Variants in NRXN1 observed in about 807,000 individuals in gnomAD.
The protein encoded by NRXN1 is neurexin-1.
In NRXN1, 39 loss-of-function variants were observed where a neutral mutation model predicts 150.9. The observed-to-expected ratio is 0.26, with a 90% CI of 0.20 to 0.34. NRXN1 has a LOEUF of 0.34. NRXN1 is among the 10% of genes least tolerant of loss of function. NRXN1 has a pLI of 1.00. For synonymous variants in NRXN1, 924 were observed against 757.0 expected, an observed-to-expected ratio of 1.22 and a Z score of -3.62; for missense variants, 1,815 against 1,949.9, an observed-to-expected ratio of 0.93 and a Z score of 1.30.
chr2:50,153,896 C>A (rs1431995681), intron 18 of NRXN1, among the ~76,000 whole-genome samples: 1 of 151,700 alleles, frequency 6.6e-6, no homozygotes, highest in Non-Finnish European at 1.5e-5. Flanking sequence ...TGGTATTTGA[C>A]ACTTTGAGTC....
At chr2:50,329,271 G>A (rs1363453540) in intron 17 of NRXN1, among the ~76,000 whole-genome samples, 1 of 151,954 alleles carries the variant, frequency 6.6e-6, no homozygotes, top group African/African-American at 2.4e-5. Context: ...AGATAATTTG[G>A]TGAAATACAA....
At chr2:50,058,840 A>G (rs75321082) in intron 19 of NRXN1, among the ~76,000 whole-genome samples, 3 of 152,204 alleles carry the variant, frequency 2.0e-5, no homozygotes, top group African/African-American at 7.2e-5. Flanking sequence ...CAAGTAAGAC[A>G]TGACTTTGCT....
At chr2:50,064,194 G>T (rs903106922) in intron 19 of NRXN1, among the ~76,000 whole-genome samples, 4 of 151,648 alleles carry the variant, frequency 2.6e-5, no homozygotes, top group Non-Finnish European at 4.4e-5. Flanking sequence ...ACTAAATAGA[G>T]ATAAAATATG....
intron 18 of NRXN1, among the ~76,000 whole-genome samples, chr2:50,173,505 G>A (rs1312994783): frequency 1.3e-5 from 2 of 152,038 alleles, no homozygotes; most frequent in East Asian, 3.9e-4. Context: ...AGACAACAAC[G>A]TTCATTCAGC....
intron 21 of NRXN1, among the ~76,000 whole-genome samples, chr2:49,951,948 G>T (rs1674049419): frequency 6.6e-6 from 1 of 152,060 alleles, no homozygotes; most frequent in Admixed American, 6.6e-5. Flanking sequence ...TTTCATTGTT[G>T]CCATGTTAGG....
chr2:50,728,786 T>C (rs1432648199), intron 5 of NRXN1, among the ~76,000 whole-genome samples: 18 of 152,276 alleles, frequency 1.2e-4, no homozygotes, highest in Admixed American at 9.2e-4. Context: ...AACTTCTATC[T>C]ATTAACTAAA....
intron 18 of NRXN1, among the ~76,000 whole-genome samples, chr2:50,173,795 T>G (rs1461075151): frequency 6.6e-6 from 1 of 152,146 alleles, no homozygotes; most frequent in South Asian, 2.1e-4. Context: ...AGTTGATATA[T>G]TAAATTAATG....
At chr2:50,851,984 C>T (rs1309306841) in intron 5 of NRXN1, among the ~76,000 whole-genome samples, 3 of 152,128 alleles carry the variant, frequency 2.0e-5, no homozygotes, top group Non-Finnish European at 2.9e-5. Context: ...CCAAAGGACG[C>T]GAATGTCTTT....
At chr2:50,505,245 A>T (rs1392505373) in intron 13 of NRXN1, among the ~76,000 whole-genome samples, 1 of 152,108 alleles carries the variant, frequency 6.6e-6, no homozygotes, top group Non-Finnish European at 1.5e-5. Flanking sequence ...AAAAAAATAA[A>T]CGTAGGTTCT....
At chr2:50,819,744 G>C (rs55688936) in intron 5 of NRXN1, among the ~76,000 whole-genome samples, 13,574 of 151,852 alleles carry the variant, frequency 0.089, 713 homozygotes, top group Admixed American at 0.093. Flanking sequence ...TTTTAGAGCA[G>C]TGATTATTTC....
intron 17 of NRXN1, among the ~76,000 whole-genome samples, chr2:50,271,842 G>GA (rs1192997739): frequency 2.0e-5 from 3 of 151,754 alleles, no homozygotes; most frequent in African/African-American, 4.8e-5. Context: ...AAAGACAAGA[G>GA]AAAAAAAATC....
chr2:50,465,076 C>A, intron 17 of NRXN1, among the ~76,000 whole-genome samples: 1 of 151,130 alleles, frequency 6.6e-6, no homozygotes, highest in South Asian at 2.1e-4. Flanking sequence ...AAATTACAGC[C>A]CTCGAGACAT....
intron 5 of NRXN1, among the ~76,000 whole-genome samples, chr2:50,717,121 T>C (rs1198881038): frequency 6.6e-6 from 1 of 152,208 alleles, no homozygotes; most frequent in Non-Finnish European, 1.5e-5. Context: ...TTTGATTTCT[T>C]TGTATCCTCT....
chr2:50,142,733 T>A (rs529690750), intron 18 of NRXN1, among the ~76,000 whole-genome samples: 1 of 151,914 alleles, frequency 6.6e-6, no homozygotes, highest in Non-Finnish European at 1.5e-5. Flanking sequence ...ATTTTAGTTA[T>A]ATAAGCATTT....
intron 17 of NRXN1, among the ~76,000 whole-genome samples, chr2:50,288,593 T>C (rs563467986): frequency 1.4e-4 from 22 of 152,166 alleles, no homozygotes; most frequent in Non-Finnish European, 1.0e-4. Flanking sequence ...CTCACAATCA[T>C]GGCAGAAGGT....
chr2:50,154,436 T>C (rs139637179), intron 18 of NRXN1, among the ~76,000 whole-genome samples: 183 of 151,822 alleles, frequency 1.2e-3, no homozygotes, highest in African/African-American at 4.1e-3. Flanking sequence ...CAAGGATGTA[T>C]AATATCTATG....
chr2:51,015,004 C>T (rs964467418), intron 2 of NRXN1, among the ~76,000 whole-genome samples: 2 of 151,922 alleles, frequency 1.3e-5, no homozygotes, highest in Non-Finnish European at 2.9e-5. Context: ...CGTATTTATT[C>T]TTGTCTTTTC....
intron 15 of NRXN1, among the ~76,000 whole-genome samples, chr2:50,486,829 T>C (rs909681029): frequency 6.6e-6 from 1 of 152,150 alleles, no homozygotes; most frequent in South Asian, 2.1e-4. Context: ...CCAACACCTG[T>C]CAGATCCAAA....
At chr2:50,088,620 C>T (rs1488998135) in intron 19 of NRXN1, among the ~76,000 whole-genome samples, 1 of 152,066 alleles carries the variant, frequency 6.6e-6, no homozygotes, top group African/African-American at 2.4e-5. Flanking sequence ...TAAAGATTTG[C>T]TTCTTATTAC....
Sources: gnomAD v4.1 joint callset for allele counts (sites outside exome capture counted in the v4.1 genomes callset) on GRCh38, gnomAD v4.1.1 for gene constraint, MANE v1.5 for transcripts, NCBI Gene and HGNC (gene_info 2026-07-23, HGNC 2026-07-21) for gene names.